The following FIGN variants were observed in gnomAD, a reference collection of about 807,000 sequenced individuals.
FIGN encodes fidgetin, microtubule severing factor.
In FIGN, 11 loss-of-function variants were observed where a neutral mutation model predicts 51.3. That is an observed-to-expected ratio of 0.21 (90% CI 0.13 to 0.35). The LOEUF is 0.35. Among genes scored for constraint, FIGN ranks in the 10% least tolerant of loss-of-function variants. The pLI, the probability that FIGN is intolerant of heterozygous loss-of-function variation, is 1.00. For missense variants in FIGN, 857 were observed against 943.6 expected (o/e 0.91, Z 1.20); for synonymous variants, 407 against 363.2 (o/e 1.12, Z -1.37).
rs772707463 is a variant in FIGN, at chr2:163,610,277, G to A, written c.1555C>T (p.Pro519Ser). 1.9e-6 allele frequency: 3 copies of A among 1,614,110 alleles called. No individual in the cohort carries two copies. The highest frequency in any genetic ancestry group is 1.7e-6 in the Non-Finnish European group (2 of 1,180,026). ...GGTCCAAATAAAAGGATGCTCCGAG[G>A]TAAGGCCGTCAGTCCACTGAACGCG... ...SDAFSGLTALPRSILLFGPRG... is the reference protein window; with the variant it reads ...SDAFSGLTALSRSILLFGPRG... The change falls in exon 3 of 3, where the codon CCT becomes TCT. Residue 519 changes from proline (P) to serine (S), a missense_variant. Transcript: ENST00000333129.
intron 2 of FIGN, among the ~76,000 whole-genome samples, chr2:163,656,619 G>C (rs1053596463): frequency 2.6e-5 from 4 of 152,024 alleles, no homozygotes; most frequent in African/African-American, 7.2e-5. Flanking sequence ...TGGCATAAAA[G>C]CTTGGGTTAG....
intron 2 of FIGN, among the ~76,000 whole-genome samples, chr2:163,629,952 C>CTTTTTTTTTTT (rs71297448): frequency 7.0e-5 from 4 of 56,936 alleles, no homozygotes; most frequent in Admixed American, 2.3e-4. Context: ...GAAAGGGGCA[C>CTTTTTTTTTTT]TTTTTTTTTT....
intron 2 of FIGN, among the ~76,000 whole-genome samples, chr2:163,715,700 C>T (rs557697020): frequency 2.6e-5 from 4 of 152,204 alleles, no homozygotes; most frequent in Non-Finnish European, 4.4e-5. Flanking sequence ...GTTGATACTG[C>T]CCAACAAATA....
chr2:163,718,375 T>C (rs1291300737), intron 2 of FIGN, among the ~76,000 whole-genome samples: 1 of 152,194 alleles, frequency 6.6e-6, no homozygotes, highest in Non-Finnish European at 1.5e-5. Context: ...GACAACCTCA[T>C]GTTGATTTCA....
intron 2 of FIGN, among the ~76,000 whole-genome samples, chr2:163,695,959 A>C (rs1392136634): frequency 6.6e-6 from 1 of 152,124 alleles, no homozygotes; most frequent in Non-Finnish European, 1.5e-5. Flanking sequence ...AAATATACAA[A>C]AATTAGCCGG....
At chr2:163,689,999 T>A (rs1228090320) in intron 2 of FIGN, among the ~76,000 whole-genome samples, 1 of 152,166 alleles carries the variant, frequency 6.6e-6, no homozygotes, top group African/African-American at 2.4e-5. Context: ...ATGTCCTTGT[T>A]TTGGGTGATG....
chr2:163,706,574 G>A (rs1472326121), intron 2 of FIGN, among the ~76,000 whole-genome samples: 2 of 152,132 alleles, frequency 1.3e-5, no homozygotes. Flanking sequence ...GATTTAGACT[G>A]AGCTAATTTT....
At chr2:163,704,683 C>T (rs1012603933) in intron 2 of FIGN, among the ~76,000 whole-genome samples, 9 of 150,482 alleles carry the variant, frequency 6.0e-5, no homozygotes, top group Admixed American at 2.7e-4. Flanking sequence ...CACACACACA[C>T]ACACACAGTG....
intron 2 of FIGN, among the ~76,000 whole-genome samples, chr2:163,653,497 T>C (rs1043196346): frequency 3.9e-5 from 6 of 152,116 alleles, no homozygotes; most frequent in Admixed American, 2.6e-4. Flanking sequence ...GTTTAATACA[T>C]TGTTGTTTCT....
chr2:163,667,727 T>C (rs1331449232), intron 2 of FIGN, among the ~76,000 whole-genome samples: 1 of 152,166 alleles, frequency 6.6e-6, no homozygotes, highest in Non-Finnish European at 1.5e-5. Context: ...GGATTAATCA[T>C]ATCCTGTTCT....
chr2:163,701,039 C>A (rs1191710333), intron 2 of FIGN, among the ~76,000 whole-genome samples: 1 of 151,990 alleles, frequency 6.6e-6, no homozygotes, highest in Non-Finnish European at 1.5e-5. Flanking sequence ...AAATATATCT[C>A]TATATAAAGA....
intron 2 of FIGN, among the ~76,000 whole-genome samples, chr2:163,649,105 G>A (rs1009396325): frequency 6.6e-6 from 1 of 152,134 alleles, no homozygotes; most frequent in African/African-American, 2.4e-5. Context: ...ATGTTAATAT[G>A]TATTGAGTTT....
intron 2 of FIGN, among the ~76,000 whole-genome samples, chr2:163,676,635 C>G (rs977173984): frequency 9.2e-5 from 14 of 151,528 alleles, no homozygotes; most frequent in Non-Finnish European, 1.5e-5. Flanking sequence ...TATCAGAAAA[C>G]TTGAAAAGTA....
chr2:163,712,582 TA>T (rs1490087145), intron 2 of FIGN, among the ~76,000 whole-genome samples: 1 of 152,192 alleles, frequency 6.6e-6, no homozygotes, highest in Non-Finnish European at 1.5e-5. Flanking sequence ...CACGAACACC[TA>T]AACTTTTTGA....
rs145677233 is a variant in FIGN, at chr2:163,688,217, G to A, written c.25+46686C>T. Among the ~76,000 whole-genome samples, 1,087 of 152,308 alleles carry A rather than the reference G, an allele frequency of 7.1e-3. 4 individuals carry two copies. Among genetic ancestry groups the A allele is most frequent in the Non-Finnish European group, 0.012 (835 of 68,024 alleles). ...GATACTCTGTGTAAAAGAGCCAGGAGATCCATCACCAGTGAAATGAGTATC... is the reference window on the plus strand; with the variant it reads ...GATACTCTGTGTAAAAGAGCCAGGAAATCCATCACCAGTGAAATGAGTATC... On this transcript the variant is annotated intron_variant, in intron 2 of 2. Transcript: ENST00000333129.
At chr2:163,685,087 CTG>C (rs1684126676) in intron 2 of FIGN, among the ~76,000 whole-genome samples, 2 of 151,952 alleles carry the variant, frequency 1.3e-5, no homozygotes, top group African/African-American at 4.8e-5. Flanking sequence ...ACCCAGTGAA[CTG>C]TAACTTTCTT....
intron 2 of FIGN, among the ~76,000 whole-genome samples, chr2:163,668,025 CA>C (rs35790118): frequency 3.5e-5 from 5 of 144,446 alleles, no homozygotes; most frequent in African/African-American, 5.2e-5. Context: ...CCCCCCCCCC[CA>C]AAAAACCCTC....
chr2:163,717,546 A>T (rs974349669), intron 2 of FIGN, among the ~76,000 whole-genome samples: 1 of 152,122 alleles, frequency 6.6e-6, no homozygotes, highest in Admixed American at 6.6e-5. Context: ...AAAAAAATTT[A>T]ACACCTCTGA....
chr2:163,629,137 G>C (rs192587934), intron 2 of FIGN, among the ~76,000 whole-genome samples: 130 of 152,244 alleles, frequency 8.5e-4, no homozygotes, highest in African/African-American at 3.0e-3. Flanking sequence ...TGTAGAATGA[G>C]ATAAGAATAA....
Sources: allele counts gnomAD v4.1 joint callset (sites outside exome capture counted in the v4.1 genomes callset), GRCh38; gene constraint gnomAD v4.1.1; transcripts MANE v1.5; gene names NCBI Gene and HGNC (gene_info 2026-07-23, HGNC 2026-07-21).